C8orf34: variants seen among roughly 807,000 people sequenced by gnomAD.
The protein encoded by C8orf34 is chromosome 8 open reading frame 34.
In C8orf34, 65 loss-of-function variants were observed where a neutral mutation model predicts 68.3. That is an observed-to-expected ratio of 0.95 (90% CI 0.78 to 1.17). The LOEUF (loss-of-function observed/expected upper bound fraction) is 1.17, where lower values mean the gene tolerates loss of function less well. Ranked by LOEUF, C8orf34 falls within the 50% of genes most tolerant of loss-of-function variation. The pLI is 0.00. For missense variants in C8orf34, 664 were observed against 655.4 expected (o/e 1.01, Z -0.14); for synonymous variants, 244 against 241.2 (o/e 1.01, Z -0.11).
chr8:68,628,013 T>C (rs974814728), intron 7 of C8orf34, among the ~76,000 whole-genome samples: 6 of 152,310 alleles, frequency 3.9e-5, no homozygotes, highest in African/African-American at 7.2e-5. Flanking sequence ...TTTCCCTAAC[T>C]TAATTAGTCT....
chr8:68,509,897 T>C (rs1814189965), intron 5 of C8orf34, among the ~76,000 whole-genome samples: 1 of 152,144 alleles, frequency 6.6e-6, no homozygotes, highest in Non-Finnish European at 1.5e-5. Context: ...TGGAATCATC[T>C]GCTTTTATCC....
chr8:68,483,395 G>T (rs760463347), intron 4 of C8orf34, among the ~76,000 whole-genome samples: 2 of 152,146 alleles, frequency 1.3e-5, no homozygotes, highest in Non-Finnish European at 2.9e-5. Context: ...ATCAGAAGCC[G>T]TGTGTGCCTG....
intron 11 of C8orf34, among the ~76,000 whole-genome samples, chr8:68,786,504 C>T (rs564439337): frequency 6.6e-6 from 1 of 152,054 alleles, no homozygotes; most frequent in Non-Finnish European, 1.5e-5. Context: ...ATAATAGGCA[C>T]ATAAAGGAAT....
chr8:68,725,564 G>T (rs1168810463), intron 10 of C8orf34, among the ~76,000 whole-genome samples: 1 of 152,156 alleles, frequency 6.6e-6, no homozygotes, highest in Non-Finnish European at 1.5e-5. Context: ...ATTATTAAGT[G>T]CTTCACATAT....
intron 12 of C8orf34, among the ~76,000 whole-genome samples, chr8:68,792,866 T>C (rs1313728836): frequency 1.3e-5 from 2 of 151,896 alleles, no homozygotes; most frequent in Non-Finnish European, 2.9e-5. Flanking sequence ...GCATGTGATA[T>C]GTGTGTGTAT....
intron 8 of C8orf34, among the ~76,000 whole-genome samples, chr8:68,698,243 T>G (rs200981699): frequency 1.3e-5 from 2 of 152,122 alleles, no homozygotes; most frequent in Non-Finnish European, 2.9e-5. Flanking sequence ...CAAAGTAATA[T>G]TACTTTGGAA....
intron 7 of C8orf34, among the ~76,000 whole-genome samples, chr8:68,581,565 A>G (rs1169123597): frequency 6.6e-6 from 1 of 152,152 alleles, no homozygotes; most frequent in African/African-American, 2.4e-5. Context: ...ATTGGAAAAG[A>G]TGGAAAAGCA....
chr8:68,572,234 G>GACACACACACAC (rs36042681), intron 7 of C8orf34, among the ~76,000 whole-genome samples: 1 of 145,212 alleles, frequency 6.9e-6, no homozygotes, highest in Non-Finnish European at 1.5e-5. Context: ...TGACTGTATA[G>GACACACACACAC]ACACACACAC....
At chr8:68,579,252 A>G (rs1816993457) in intron 7 of C8orf34, among the ~76,000 whole-genome samples, 1 of 152,184 alleles carries the variant, frequency 6.6e-6, no homozygotes, top group Non-Finnish European at 1.5e-5. Flanking sequence ...ATCAAATTCT[A>G]TAGAAGCACA....
intron 1 of C8orf34, among the ~76,000 whole-genome samples, chr8:68,375,032 A>G (rs1420334328): frequency 6.6e-6 from 1 of 152,208 alleles, no homozygotes; most frequent in Non-Finnish European, 1.5e-5. Flanking sequence ...AAGATGTGAT[A>G]GAATCAACAT....
chr8:68,552,282 A>G (rs1298813977), intron 7 of C8orf34, among the ~76,000 whole-genome samples: 1 of 152,202 alleles, frequency 6.6e-6, no homozygotes, highest in Non-Finnish European at 1.5e-5. Flanking sequence ...AAATCTGTAA[A>G]TCAATTTGGG....
At chr8:68,576,885 C>T (rs1298262445) in intron 7 of C8orf34, among the ~76,000 whole-genome samples, 2 of 151,914 alleles carry the variant, frequency 1.3e-5, no homozygotes, top group African/African-American at 4.8e-5. Context: ...GAAATGCACA[C>T]AAACCAATTA....
At chr8:68,354,470 G>A (rs2129618802) in intron 1 of C8orf34, among the ~76,000 whole-genome samples, 1 of 152,160 alleles carries the variant, frequency 6.6e-6, no homozygotes, top group African/African-American at 2.4e-5. Context: ...GCCTCTCAAA[G>A]CACTGGGATT....
intron 5 of C8orf34, among the ~76,000 whole-genome samples, chr8:68,491,138 A>C (rs1813295782): frequency 6.6e-6 from 1 of 152,126 alleles, no homozygotes; most frequent in South Asian, 2.1e-4. Flanking sequence ...TCATTTCTTC[A>C]TGGCCTTTTA....
Position 68,815,979 on chromosome 8 carries a change from G to A in C8orf34, c.1609+34G>A, listed in dbSNP as rs766885069. On this transcript the variant is annotated intron_variant, in intron 13 of 13. Transcript: ENST00000518698. ...GCTCAGGGCACTTAATATCGATGTC[G>A]GGTAATGGCGGGTACCTTCTAAAAC... is the stretch of plus-strand genomic sequence containing the variant. 3.0e-5 allele frequency: 48 copies of A among 1,613,070 alleles called. No individual in the cohort carries two copies. The Middle Eastern group carries it at 8.2e-4, about 28-fold the overall frequency.
chr8:68,776,392 C>A lies in C8orf34; in HGVS notation c.1405-7C>A. On this transcript the variant is annotated splice_region_variant and splice_polypyrimidine_tract_variant and intron_variant, in intron 10 of 13. Transcript: ENST00000518698. ...CCTTTTCAACCTCTCTTCCTCTTTACTTCTAGGGAGAAGCCTCCAGTGGAG... is the reference window on the plus strand; with the variant it reads ...CCTTTTCAACCTCTCTTCCTCTTTAATTCTAGGGAGAAGCCTCCAGTGGAG... The A allele has an allele frequency of 6.2e-7, 1 of 1,610,450 alleles. No homozygotes were observed. The highest frequency in any genetic ancestry group is 8.5e-7 in the Non-Finnish European group (1 of 1,176,952).
chr8:68,666,904 T>C (rs1358765549), intron 8 of C8orf34, among the ~76,000 whole-genome samples: 1 of 152,212 alleles, frequency 6.6e-6, no homozygotes, highest in East Asian at 1.9e-4. Flanking sequence ...TTTCTTATCA[T>C]CTTGCATATA....
intron 8 of C8orf34, among the ~76,000 whole-genome samples, chr8:68,689,257 G>C (rs1341583432): frequency 1.3e-5 from 2 of 151,898 alleles, no homozygotes; most frequent in Non-Finnish European, 2.9e-5. Flanking sequence ...GGGAGTGTTG[G>C]GGAACAATGC....
In C8orf34 at chr8:68,487,013, T is replaced by C. The variant is rs193134589; in HGVS notation, c.737-1010T>C. The stretch of plus-strand genomic sequence containing the variant: ...GCCACAGTGCTGAAGTTTAGCCCCA[T>C]TGTTCAAAAGAATAAAACGCAGAGT... On this transcript the variant is annotated intron_variant, in intron 4 of 13. Coordinates refer to ENST00000518698, the MANE Select transcript of C8orf34 (RefSeq NM_052958.4). Among the ~76,000 whole-genome samples the C allele has an allele frequency of 1.1e-4, 16 of 152,294 alleles. No individual in the cohort carries two copies. In the East Asian group the frequency reaches 3.1e-3, roughly 29 times the overall value.
Sources: allele counts gnomAD v4.1 joint callset (sites outside exome capture counted in the v4.1 genomes callset), GRCh38; gene constraint gnomAD v4.1.1; transcripts MANE v1.5; gene names NCBI Gene and HGNC (gene_info 2026-07-23, HGNC 2026-07-21).